The following MAF variants were observed in gnomAD, a reference collection of about 807,000 sequenced individuals.
MAF encodes the protein transcription factor Maf.
A neutral mutation model predicts 22.0 loss-of-function variants in MAF; 10 were observed. That is an observed-to-expected ratio of 0.45 (90% CI 0.28 to 0.77). MAF has a LOEUF of 0.77. Ranked by LOEUF, MAF falls within the 30% of genes least tolerant of loss-of-function variation. MAF has a pLI of 0.12. For synonymous variants in MAF, 337 were observed against 255.8 expected (o/e 1.32, Z -3.03); for missense variants, 544 against 548.4 (o/e 0.99, Z 0.08).
At chr16:79,283,913 T>C in the MAF span, among the ~76,000 whole-genome samples, 1 of 148,948 alleles carries the variant, frequency 6.7e-6, no homozygotes, top group Admixed American at 6.7e-5. Flanking sequence ...GCTAATCTGC[T>C]TCACTCACCT....
the MAF span, among the ~76,000 whole-genome samples, chr16:79,259,443 C>G: frequency 1.3e-5 from 2 of 152,236 alleles, no homozygotes; most frequent in East Asian, 3.9e-4. Context: ...CAGGTAATTC[C>G]TTTATGTCTT....
chr16:79,288,316 A>C, the MAF span, among the ~76,000 whole-genome samples: 1 of 152,186 alleles, frequency 6.6e-6, no homozygotes, highest in African/African-American at 2.4e-5. Flanking sequence ...ATTTCAAGGC[A>C]GTTTCTATTT....
At chr16:79,422,235 T>C in the MAF span, among the ~76,000 whole-genome samples, 1 of 152,236 alleles carries the variant, frequency 6.6e-6, no homozygotes, top group Non-Finnish European at 1.5e-5. Context: ...CTAAGAACCT[T>C]ATTCAGCATA....
chr16:79,373,214 A>G, the MAF span, among the ~76,000 whole-genome samples: 1 of 152,000 alleles, frequency 6.6e-6, no homozygotes, highest in East Asian at 1.9e-4. Context: ...GTCCTCTCCA[A>G]AACTCATATT....
chr16:79,299,611 A>G, the MAF span, among the ~76,000 whole-genome samples: 1 of 151,902 alleles, frequency 6.6e-6, no homozygotes, highest in Non-Finnish European at 1.5e-5. Context: ...TGCTCTGAGC[A>G]TTCCAGGCAT....
the MAF span, among the ~76,000 whole-genome samples, chr16:79,413,210 G>GTTTTTTTTTTTTTT: frequency 6.3e-5 from 4 of 63,642 alleles, 1 homozygote; most frequent in Non-Finnish European, 8.9e-5. Flanking sequence ...GAGCTGTGCA[G>GTTTTTTTTTTTTTT]TTTTTTTTTT....
the MAF span, among the ~76,000 whole-genome samples, chr16:79,473,128 G>C: frequency 6.6e-6 from 1 of 152,084 alleles, no homozygotes; most frequent in South Asian, 2.1e-4. Flanking sequence ...TGGCCATCTG[G>C]TCGTTCACAC....
chr16:79,334,365 C>G, the MAF span, among the ~76,000 whole-genome samples: 237 of 152,252 alleles, frequency 1.6e-3, no homozygotes, highest in African/African-American at 5.4e-3. Context: ...ACCGTACAGT[C>G]CCATGTGCGC....
the MAF span, among the ~76,000 whole-genome samples, chr16:79,558,209 G>C: frequency 2.6e-5 from 4 of 152,152 alleles, no homozygotes; most frequent in South Asian, 8.3e-4. Flanking sequence ...CAGCCGGAAA[G>C]AGTGTGAAAG....
At chr16:79,383,879 C>T in the MAF span, among the ~76,000 whole-genome samples, 1 of 152,170 alleles carries the variant, frequency 6.6e-6, no homozygotes, top group Non-Finnish European at 1.5e-5. Context: ...CTGTTAGATA[C>T]ATTTGTCAAG....
the MAF span, among the ~76,000 whole-genome samples, chr16:79,408,294 A>G: frequency 6.6e-6 from 1 of 152,046 alleles, no homozygotes; most frequent in South Asian, 2.1e-4. Context: ...CTCCTGCCTC[A>G]GCCTCTGGAG....
chr16:79,375,559 CAATGATGATGAA>C, the MAF span, among the ~76,000 whole-genome samples: 3 of 151,676 alleles, frequency 2.0e-5, no homozygotes, highest in Non-Finnish European at 4.4e-5. Context: ...ATGACTGTGA[CAATGATGATGAA>C]GATGATGATG....
chr16:79,542,967 ATGTG>A, the MAF span, among the ~76,000 whole-genome samples: 3 of 152,346 alleles, frequency 2.0e-5, no homozygotes, highest in Admixed American at 6.5e-5. Flanking sequence ...AGGATTGCAT[ATGTG>A]TGTGCATGCA....
the MAF span, among the ~76,000 whole-genome samples, chr16:79,538,525 T>C: frequency 0.32 from 48,630 of 151,984 alleles, 8,528 homozygotes; most frequent in East Asian, 0.5. Flanking sequence ...AGAAAGAATA[T>C]TAAACCTGAC....
the MAF span, among the ~76,000 whole-genome samples, chr16:79,358,369 A>T: frequency 2.0e-5 from 3 of 152,160 alleles, no homozygotes; most frequent in Non-Finnish European, 4.4e-5. Context: ...AGAACTGGAC[A>T]GGCAGCTTGA....
At chr16:79,595,513 C>T in intron 1 of MAF, 1 of 1,059,520 alleles carries the variant, frequency 9.4e-7, no homozygotes, top group Non-Finnish European at 1.1e-6. Flanking sequence ...TATTGGTGTG[C>T]TAGGGGAAGA....
the MAF span, among the ~76,000 whole-genome samples, chr16:79,421,638 A>ATTT: frequency 6.9e-6 from 1 of 144,784 alleles, no homozygotes; most frequent in Non-Finnish European, 1.5e-5. Context: ...AAGAAAAGTG[A>ATTT]TTTTTTTTTT....
the MAF span, among the ~76,000 whole-genome samples, chr16:79,352,438 T>C: frequency 6.6e-6 from 1 of 152,150 alleles, no homozygotes; most frequent in Admixed American, 6.5e-5. Flanking sequence ...TTTTATGAGC[T>C]GTGGGAATTT....
chr16:79,287,626 A>G, the MAF span, among the ~76,000 whole-genome samples: 1 of 152,218 alleles, frequency 6.6e-6, no homozygotes, highest in Non-Finnish European at 1.5e-5. Flanking sequence ...TAGCGTCAGG[A>G]ATCAGACTGC....
Sources: allele counts gnomAD v4.1 joint callset (sites outside exome capture counted in the v4.1 genomes callset), GRCh38; gene constraint gnomAD v4.1.1; transcripts MANE v1.5; gene names NCBI Gene and HGNC (gene_info 2026-07-23, HGNC 2026-07-21).